The following TEC variants were observed in gnomAD, a reference collection of about 807,000 sequenced individuals.
TEC encodes tec protein tyrosine kinase, also known as tyrosine-protein kinase Tec.
A neutral mutation model predicts 93.0 loss-of-function variants in TEC; 72 were observed. That is an observed-to-expected ratio of 0.77 (90% CI 0.64 to 0.94). TEC has a LOEUF of 0.94. Among genes scored for constraint, TEC ranks in the 40% least tolerant of loss-of-function variants. The pLI is 0.00. For synonymous variants in TEC, 249 were observed against 247.7 expected, an observed-to-expected ratio of 1.01 and a Z score of -0.05; for missense variants, 630 against 757.9, an observed-to-expected ratio of 0.83 and a Z score of 1.98.
chr4:48,237,424 CAA>C (rs1159958946), intron 1 of TEC, among the ~76,000 whole-genome samples: 1 of 151,316 alleles, frequency 6.6e-6, no homozygotes, highest in Non-Finnish European at 1.5e-5. Context: ...TATTTTAAGT[CAA>C]GAGAACAGAG....
chr4:48,223,142 TAC>T (rs1196189620), intron 2 of TEC, among the ~76,000 whole-genome samples: 1 of 117,366 alleles, frequency 8.5e-6, no homozygotes, highest in Non-Finnish European at 2.0e-5. Context: ...AGACAATATA[TAC>T]ACAAAAAAAT....
chr4:48,194,845 C>A (rs1002193293), intron 2 of TEC, among the ~76,000 whole-genome samples: 14 of 152,064 alleles, frequency 9.2e-5, no homozygotes, highest in Admixed American at 9.2e-4. Context: ...GGGTTTAATG[C>A]GGGCCAATCA....
chr4:48,182,535 C>CTGTGTGTGTGTGTGTG lies in TEC; in HGVS notation c.139-6365_139-6350dup, dbSNP rs60434609. The stretch of plus-strand genomic sequence containing the variant: ...TATGCAAAGGACCATGGGCAATACT[C>CTGTGTGTGTGTGTGTG]TGTGTGTGTGTGTGTGTGTGTGTGT... On this transcript the variant is annotated intron_variant, in intron 2 of 17. Transcript: ENST00000381501. Among the ~76,000 whole-genome samples, 62 of 147,334 alleles carry CTGTGTGTGTGTGTGTG rather than the reference C, an allele frequency of 4.2e-4. 1 individual carries two copies. The highest frequency in any genetic ancestry group is 7.3e-4 in the Non-Finnish European group (49 of 66,996).
At chr4:48,212,110 A>AAAATAT in intron 2 of TEC, among the ~76,000 whole-genome samples, 86 of 122,242 alleles carry the variant, frequency 7.0e-4, no homozygotes, top group Non-Finnish European at 1.1e-3. Context: ...AAAAAAAAAA[A>AAAATAT]ATATATATAT....
intron 2 of TEC, among the ~76,000 whole-genome samples, chr4:48,220,992 T>G (rs910051492): frequency 9.2e-5 from 14 of 152,368 alleles, no homozygotes; most frequent in Admixed American, 3.3e-4. Flanking sequence ...TGGCTACATA[T>G]GGAGGTTCCC....
intron 4 of TEC, 94 bp from the exon 5 acceptor site, chr4:48,170,470 G>A: frequency 1.1e-6 from 1 of 887,556 alleles, no homozygotes; most frequent in South Asian, 2.0e-5. Flanking sequence ...TTATTTCTTG[G>A]ACACTATGTT....
intron 2 of TEC, among the ~76,000 whole-genome samples, chr4:48,190,126 C>A (rs899464037): frequency 5.9e-5 from 9 of 152,174 alleles, no homozygotes; most frequent in Non-Finnish European, 1.2e-4. Flanking sequence ...ACTTTTCCTG[C>A]AATTCTAGTG....
chr4:48,247,599 G>A (rs997032462), intron 1 of TEC, among the ~76,000 whole-genome samples: 1 of 152,176 alleles, frequency 6.6e-6, no homozygotes, highest in Non-Finnish European at 1.5e-5. Context: ...CAACTTGAAT[G>A]AACCTTGAAA....
At chr4:48,261,864 T>C (rs541541569) in intron 1 of TEC, among the ~76,000 whole-genome samples, 90 of 152,266 alleles carry the variant, frequency 5.9e-4, no homozygotes, top group African/African-American at 2.2e-3. Context: ...GTTCCTCCTT[T>C]AGAAACATAA....
chr4:48,251,950 C>A (rs1331591312), intron 1 of TEC, among the ~76,000 whole-genome samples: 1 of 152,036 alleles, frequency 6.6e-6, no homozygotes, highest in African/African-American at 2.4e-5. Flanking sequence ...CTGGTTTTTA[C>A]AAAGACGAAG....
At chr4:48,159,594 T>C (rs1720542968) in intron 8 of TEC, among the ~76,000 whole-genome samples, 1 of 150,708 alleles carries the variant, frequency 6.6e-6, no homozygotes, top group Admixed American at 6.6e-5. Flanking sequence ...TCACACTTGT[T>C]GTCCAGGCTG....
chr4:48,174,396 C>T lies in TEC; in HGVS notation c.243+1686G>A, dbSNP rs941455388. Among the ~76,000 whole-genome samples, 9 of 152,220 alleles carry T rather than the reference C, an allele frequency of 5.9e-5. No homozygotes were observed. In the East Asian group the frequency reaches 9.7e-4, roughly 16 times the overall value. ...GTAGGAGGCCCGGTGCAGTGGCTCA[C>T]GACTGTAATCTCAGTACTTTGGGAG... On this transcript the variant is annotated intron_variant, in intron 3 of 17. Coordinates refer to ENST00000381501, the MANE Select transcript of TEC (RefSeq NM_003215.3).
chr4:48,178,570 T>C (rs1310584504), intron 2 of TEC, among the ~76,000 whole-genome samples: 1 of 152,082 alleles, frequency 6.6e-6, no homozygotes, highest in Non-Finnish European at 1.5e-5. Context: ...AAAGGGTACA[T>C]TTTGGGTACA....
chr4:48,239,195 G>C (rs1723864337), intron 1 of TEC, among the ~76,000 whole-genome samples: 1 of 151,774 alleles, frequency 6.6e-6, no homozygotes, highest in Non-Finnish European at 1.5e-5. Flanking sequence ...TCAAAATTTT[G>C]ATTAAAATTT....
chr4:48,167,876 T>G lies in TEC; in HGVS notation c.573A>C (p.Gln191His). The change falls in exon 7 of 18, where the codon CAA (glutamine) becomes CAC (histidine). Residue 191 changes from glutamine to histidine, a missense_variant. This residue lies in a region of TEC where 335 missense variants were observed against 351.5 expected (regional missense o/e 0.95). Coordinates refer to ENST00000381501, the MANE Select transcript of TEC (RefSeq NM_003215.3). ...ATCTGAGATCATGTCCTTCTGCTGCTTGGAAATCATACATGGCTACAACGA... is the reference window on the plus strand; with the variant it reads ...ATCTGAGATCATGTCCTTCTGCTGCGTGGAAATCATACATGGCTACAACGA... ...EEIVVAMYDF[Q>H]AAEGHDLRLE... The G allele has an allele frequency of 6.2e-7, 1 of 1,613,942 alleles. No homozygotes were observed. The highest frequency in any genetic ancestry group is 8.5e-7 in the Non-Finnish European group (1 of 1,179,918).
chr4:48,258,379 G>C (rs1035567566), intron 1 of TEC, among the ~76,000 whole-genome samples: 1 of 152,044 alleles, frequency 6.6e-6, no homozygotes, highest in African/African-American at 2.4e-5. Context: ...TCAACCTCAA[G>C]TGATCCGCCC....
chr4:48,256,772 T>C (rs1156421107), intron 1 of TEC, among the ~76,000 whole-genome samples: 4 of 152,106 alleles, frequency 2.6e-5, no homozygotes, highest in Non-Finnish European at 4.4e-5. Context: ...ACATTATATA[T>C]AGCAGTTCTG....
intron 5 of TEC, among the ~76,000 whole-genome samples, chr4:48,169,772 C>T (rs1407716502): frequency 6.6e-6 from 1 of 152,218 alleles, no homozygotes; most frequent in Non-Finnish European, 1.5e-5. Context: ...TAACCTTAGA[C>T]ATTGTTCATC....
At chr4:48,219,292 G>C (rs1019840147) in intron 2 of TEC, among the ~76,000 whole-genome samples, 42 of 152,166 alleles carry the variant, frequency 2.8e-4, no homozygotes, top group African/African-American at 9.7e-4. Flanking sequence ...GCCAGTGTCT[G>C]GGAAGGCACC....
Sources: allele counts gnomAD v4.1 joint callset (sites outside exome capture counted in the v4.1 genomes callset), GRCh38; gene constraint gnomAD v4.1.1; regional missense constraint gnomAD v4.1.1; transcripts MANE v1.5; gene names NCBI Gene and HGNC (gene_info 2026-07-23, HGNC 2026-07-21).